TRAF7: variants seen among roughly 807,000 people sequenced by gnomAD.
TRAF7 encodes E3 ubiquitin-protein ligase TRAF7.
Under a neutral mutation model 89.3 loss-of-function variants are expected in TRAF7, and 45 were observed. The ratio of observed to expected loss-of-function variants is 0.50; its 90% confidence interval spans 0.40 to 0.65. The LOEUF is 0.65. Among genes scored for constraint, TRAF7 ranks in the 30% least tolerant of loss-of-function variants. The probability of loss-of-function intolerance (pLI) is 0.00; values close to 1 mark genes in which losing one functional copy is unlikely to be tolerated. For synonymous variants in TRAF7, 406 were observed against 369.2 expected (o/e 1.10, Z -1.14); for missense variants, 677 against 918.1 (o/e 0.74, Z 3.39).
Position 2,169,549 on chromosome 16 carries a change from C to T in TRAF7, c.232-1065C>T, listed in dbSNP as rs185884859. On this transcript the variant is annotated intron_variant, in intron 4 of 20. Transcript: ENST00000326181. The stretch of plus-strand genomic sequence containing the variant: ...GGGAGTCCCCCTCCTGCCCTTCCCC[C>T]GTCCCCCAGGCCTGCCTGCTGTCAG... Among the ~76,000 whole-genome samples, 445 of 152,296 alleles carry T rather than the reference C, an allele frequency of 2.9e-3. 5 individuals are homozygous for T. The highest frequency in any genetic ancestry group is 1.5e-3 in the Non-Finnish European group (100 of 68,014).
Position 2,176,680 on chromosome 16 carries a change from T to C in TRAF7, c.*106T>C, listed in dbSNP as rs2141300104. On this transcript the variant is annotated 3_prime_UTR_variant, in exon 21 of 21. Transcript: ENST00000326181. ...GGGGTTTCTGCCTGCCCCGTGGGCA[T>C]AGGTGGACAGGCTCTGGCAGCCGGG... 1.3e-6 allele frequency: 2 copies of C among 1,548,312 alleles called. No individual in the cohort carries two copies. The highest frequency in any genetic ancestry group is 8.9e-7 in the Non-Finnish European group (1 of 1,127,556).
chr16:2,170,949 G>A (rs573418244), intron 5 of TRAF7, among the ~76,000 whole-genome samples: 78 of 152,350 alleles, frequency 5.1e-4, no homozygotes, highest in Middle Eastern at 3.4e-3. Flanking sequence ...AGGGCTGCCC[G>A]GGAACTGGCA....
Position 2,171,390 on chromosome 16 carries a change from C to T in TRAF7, c.441+34C>T, listed in dbSNP as rs1027481702. ...GCCGCCCTTCCCAGCCCCCCTGCTG[C>T]CAGAGGCCCCCACAGGACCCCAGGG... On this transcript the variant is annotated intron_variant, in intron 6 of 20. Transcript: ENST00000326181. 3.2e-6 allele frequency: 5 copies of T among 1,540,944 alleles called. No homozygotes were observed. In the African/African-American group the frequency reaches 5.5e-5, roughly 17 times the overall value.
intron 20 of TRAF7, 37 bp from the exon 21 acceptor site, chr16:2,176,523 C>G (rs369426021): frequency 8.1e-6 from 13 of 1,613,006 alleles, no homozygotes; most frequent in Non-Finnish European, 1.1e-5. Context: ...GGCAGCCGGC[C>G]GCAGGACATC....
Position 2,168,212 on chromosome 16 carries a change from C to T in TRAF7, c.231+44C>T, listed in dbSNP as rs374422308. The T allele has an allele frequency of 6.5e-7, 1 of 1,530,604 alleles. No homozygotes were observed. The highest frequency in any genetic ancestry group is 8.9e-7 in the Non-Finnish European group (1 of 1,125,706). 94.8% of individuals were successfully genotyped at this position (1,530,604 alleles called of 1,614,324 possible). The stretch of plus-strand genomic sequence containing the variant: ...GAGCCCGTGTGAGCCTCAGCCTCCC[C>T]CCATCCTCCCTCCTGGGGGAACCAG... On this transcript the variant is annotated intron_variant, in intron 4 of 20. Coordinates refer to ENST00000326181, the MANE Select transcript of TRAF7 (RefSeq NM_032271.3). The surrounding 1 kb of genome is among the most constrained non-coding windows in gnomAD (Gnocchi z 4.1).
chr16:2,172,710 C>T (rs2093117994), intron 9 of TRAF7, 111 bp downstream of exon 9: 3 of 1,303,206 alleles, frequency 2.3e-6, no homozygotes, highest in South Asian at 1.4e-5. Context: ...GCTGGGGCCA[C>T]ACCGGGGTCT....
At chr16:2,173,873 C>T (rs781361366) in intron 12 of TRAF7, 37 bp downstream of exon 12, 2 of 1,608,620 alleles carry the variant, frequency 1.2e-6, no homozygotes, top group African/African-American at 1.3e-5. Context: ...GCCCACCCTC[C>T]CCCCCGGGCC....
intron 4 of TRAF7, among the ~76,000 whole-genome samples, chr16:2,169,751 C>G (rs978020095): frequency 1.3e-5 from 2 of 152,236 alleles, no homozygotes; most frequent in Non-Finnish European, 2.9e-5. Context: ...TCCATGCAGA[C>G]GGGCCCTTGG....
chr16:2,168,402 C>T lies in TRAF7; in HGVS notation c.231+234C>T. 2.0e-6 allele frequency: 1 copy of T among 506,624 alleles called. No homozygotes were observed. The highest frequency in any genetic ancestry group is 3.6e-6 in the Non-Finnish European group (1 of 281,470). The allele number at this position is 506,624 out of a possible 1,614,324, so 31.4% of individuals were successfully genotyped here. A position where few individuals can be genotyped will look rare whatever the true frequency, so the allele number is the denominator to read the frequency against. On this transcript the variant is annotated intron_variant, in intron 4 of 20. Coordinates refer to ENST00000326181, the MANE Select transcript of TRAF7 (RefSeq NM_032271.3). The surrounding 1 kb of genome is among the most constrained non-coding windows in gnomAD (Gnocchi z 4.1). ...CAGTGAGGGCAGCTGGGTCAGAGGGCCTGGCACCTGCAGGCCAGGATGAGG... is the reference window on the plus strand; with the variant it reads ...CAGTGAGGGCAGCTGGGTCAGAGGGTCTGGCACCTGCAGGCCAGGATGAGG...
At chr16:2,165,843 C>T (rs747934773) in intron 2 of TRAF7, 36 bp from the exon 3 acceptor site, 10 of 1,613,472 alleles carry the variant, frequency 6.2e-6, no homozygotes, top group Admixed American at 1.7e-5. Context: ...CCTTGTGTCC[C>T]GGAATGAGGC....
chr16:2,173,859 T>TTGGCGCCCCCCCCCC, intron 12 of TRAF7, 23 bp downstream of exon 12: 1 of 1,246,252 alleles, frequency 8.0e-7, no homozygotes, highest in Non-Finnish European at 1.1e-6. Context: ...CCGCCGTGGC[T>TTGGCGCCCCCCCCCC]CCCGCCCACC....
rs751496214 is a variant in TRAF7, at chr16:2,168,147, G to A, written c.210G>A (p.Pro70=). Reference sequence around the variant, plus strand: ...CCTCCAGCACCCTTGCCTACTCCCCGCGGGACGAGGAGGACAGCATGGTAG... The same window carrying A: ...CCTCCAGCACCCTTGCCTACTCCCCACGGGACGAGGAGGACAGCATGGTAG... ...PSSSSTLAYS[P]RDEEDSMPPI... Residue 70 remains proline (P), a synonymous_variant, in exon 4 of 21, where the codon CCG becomes CCA. Transcript: ENST00000326181. This position sits in a 1 kb window ranked among gnomAD's most constrained non-coding sequence, Gnocchi z 4.1. The A allele has an allele frequency of 3.5e-5, 57 of 1,611,566 alleles. No homozygotes were observed. Among genetic ancestry groups the A allele is most frequent in the East Asian group, 6.7e-5 (3 of 44,856 alleles).
rs766997415 is a variant in TRAF7 at position 2,158,204 on chromosome 16, T to C, written c.-39+2346T>C. Among the ~76,000 whole-genome samples the C allele has an allele frequency of 1.3e-5, 2 of 152,104 alleles. No homozygotes were observed. The highest frequency in any genetic ancestry group is 2.9e-5 in the Non-Finnish European group (2 of 68,022). ...GTCTCAGTCCGGCCTTCTCAGTGGGTGGGCACCGAGGACTTCACCAGGCCC... is the reference window on the plus strand; with the variant it reads ...GTCTCAGTCCGGCCTTCTCAGTGGGCGGGCACCGAGGACTTCACCAGGCCC... On this transcript the variant is annotated intron_variant, in intron 1 of 20. Coordinates refer to ENST00000326181, the MANE Select transcript of TRAF7 (RefSeq NM_032271.3). The surrounding 1 kb of genome is among the most constrained non-coding windows in gnomAD (Gnocchi z 4.7).
rs531237025 is a variant in TRAF7 at position 2,162,407 on chromosome 16, C to T, written c.-38-1476C>T. On this transcript the variant is annotated intron_variant, in intron 1 of 20. Transcript: ENST00000326181. This position sits in a 1 kb window ranked among gnomAD's most constrained non-coding sequence, Gnocchi z 5.0. ...TGGGTGATGAGTGGCATCTTGAAGG[C>T]GCATGCAGGGCGGGCATGGCCAAAG... 2.0e-5 allele frequency among the ~76,000 whole-genome samples: 3 copies of T among 152,206 alleles called. No homozygotes were observed. Among genetic ancestry groups the T allele is most frequent in the South Asian group, 2.1e-4 (1 of 4,826 alleles).
chr16:2,169,161 T>G (rs1384872562), intron 4 of TRAF7, among the ~76,000 whole-genome samples: 1 of 152,036 alleles, frequency 6.6e-6, no homozygotes, highest in African/African-American at 2.4e-5. Context: ...AATTTTGAAT[T>G]AGTAGAGATG....
chr16:2,174,238 C>G lies in TRAF7; in HGVS notation c.1264-13C>G. 1 of 1,611,782 alleles carries G rather than the reference C, an allele frequency of 6.2e-7. No homozygotes were observed. Among genetic ancestry groups the G allele is most frequent in the Non-Finnish European group, 8.5e-7 (1 of 1,179,224 alleles). On this transcript the variant is annotated splice_polypyrimidine_tract_variant and intron_variant, in intron 13 of 20. Coordinates refer to ENST00000326181, the MANE Select transcript of TRAF7 (RefSeq NM_032271.3). The stretch of plus-strand genomic sequence containing the variant: ...GACCTTGCTGGGACCCACTGTGGCC[C>G]TGGTCTCTGCAGGTGTGGGACACAT...
chr16:2,157,918 C>A (rs956580120), intron 1 of TRAF7, among the ~76,000 whole-genome samples: 1 of 152,206 alleles, frequency 6.6e-6, no homozygotes, highest in East Asian at 1.9e-4. Flanking sequence ...GAGCTGCTGT[C>A]TGGGGTGCCT....
In TRAF7 at chr16:2,171,511, C is replaced by T. The variant is rs2093110533; in HGVS notation, c.442-61C>T. 3.1e-6 allele frequency: 5 copies of T among 1,610,060 alleles called. No individual in the cohort carries two copies. In the African/African-American group the frequency reaches 6.7e-5, roughly 21 times the overall value. The stretch of plus-strand genomic sequence containing the variant: ...ACAGCGAGGCCTGTGGCTGCCATGG[C>T]CATGGACTAGGGAAAAAGAGGACCC... On this transcript the variant is annotated intron_variant, in intron 6 of 20. Coordinates refer to ENST00000326181, the MANE Select transcript of TRAF7 (RefSeq NM_032271.3).
chr16:2,163,542 G>A lies in TRAF7; in HGVS notation c.-38-341G>A, dbSNP rs2093065867. ...TGGCCCCAGGGACATTCAGCCTGGA[G>A]GTGACTGGCTGTGACTCAGGACCCA... On this transcript the variant is annotated intron_variant, in intron 1 of 20. Coordinates refer to ENST00000326181, the MANE Select transcript of TRAF7 (RefSeq NM_032271.3). The surrounding 1 kb of genome is among the most constrained non-coding windows in gnomAD (Gnocchi z 4.3). 1 of 295,916 alleles carries A rather than the reference G, an allele frequency of 3.4e-6. No homozygotes were observed. The highest frequency in any genetic ancestry group is 2.3e-5 in the African/African-American group (1 of 44,348). The allele number at this position is 295,916 out of a possible 1,614,324, so 18.3% of individuals were successfully genotyped here. A position where few individuals can be genotyped will look rare whatever the true frequency, so the allele number is the denominator to read the frequency against.
Sources: gnomAD v4.1 joint callset for allele counts (sites outside exome capture counted in the v4.1 genomes callset) on GRCh38, gnomAD v4.1.1 for gene constraint, Gnocchi (gnomAD v3.1) non-coding constraint, MANE v1.5 for transcripts, NCBI Gene and HGNC (gene_info 2026-07-23, HGNC 2026-07-21) for gene names.